The following GRM8 variants were observed in gnomAD, a reference collection of about 807,000 sequenced individuals.
GRM8 encodes metabotropic glutamate receptor 8.
In GRM8, 47 loss-of-function variants were observed where a neutral mutation model predicts 87.2. The ratio of observed to expected loss-of-function variants is 0.54; its 90% CI spans 0.43 to 0.69. The LOEUF (loss-of-function observed/expected upper bound fraction) is 0.69, where lower values mean the gene tolerates loss of function less well. Ranked by LOEUF, GRM8 falls within the 30% of genes least tolerant of loss-of-function variation. The pLI is 0.00. For synonymous variants in GRM8, 396 were observed against 404.5 expected (o/e 0.98, Z 0.25); for missense variants, 1,019 against 1,139.2 (o/e 0.89, Z 1.52).
intron 2 of GRM8, among the ~76,000 whole-genome samples, chr7:127,192,345 G>A (rs1032737999): frequency 2.0e-5 from 3 of 152,210 alleles, no homozygotes; most frequent in Non-Finnish European, 2.9e-5. Flanking sequence ...GTTTGTCATT[G>A]TTGTTTAAAA....
At chr7:126,442,258 C>A (rs1801554336) in intron 10 of GRM8, among the ~76,000 whole-genome samples, 1 of 151,976 alleles carries the variant, frequency 6.6e-6, no homozygotes, top group South Asian at 2.1e-4. Flanking sequence ...TCTACTTAAC[C>A]TTTCCAAAAG....
chr7:127,160,953 T>C (rs1793074506), intron 2 of GRM8, among the ~76,000 whole-genome samples: 1 of 152,110 alleles, frequency 6.6e-6, no homozygotes, highest in Non-Finnish European at 1.5e-5. Flanking sequence ...GGTCTTTTCT[T>C]AGTAGAAACA....
chr7:126,754,284 T>G (rs1037987141), intron 7 of GRM8, among the ~76,000 whole-genome samples: 3 of 151,994 alleles, frequency 2.0e-5, no homozygotes, highest in African/African-American at 7.2e-5. Flanking sequence ...ATCGCTAAAG[T>G]TTTAAAATAG....
intron 7 of GRM8, among the ~76,000 whole-genome samples, chr7:126,691,554 C>G (rs1808814771): frequency 6.6e-6 from 1 of 152,192 alleles, no homozygotes; most frequent in Non-Finnish European, 1.5e-5. Context: ...GCCACACCTC[C>G]CCTACTGCAG....
chr7:127,055,578 T>C (rs960074881), intron 3 of GRM8, among the ~76,000 whole-genome samples: 9 of 151,942 alleles, frequency 5.9e-5, no homozygotes, highest in Non-Finnish European at 1.2e-4. Flanking sequence ...AAAAGAAAGG[T>C]GATTGCAAAA....
At chr7:127,165,484 A>G (rs1450143031) in intron 2 of GRM8, among the ~76,000 whole-genome samples, 2 of 152,132 alleles carry the variant, frequency 1.3e-5, no homozygotes, top group Admixed American at 6.5e-5. Flanking sequence ...ACAAGTTCAC[A>G]TCGTAAACCT....
At chr7:126,459,099 A>G (rs1803587291) in intron 9 of GRM8, among the ~76,000 whole-genome samples, 1 of 151,426 alleles carries the variant, frequency 6.6e-6, no homozygotes, top group Admixed American at 6.6e-5. Flanking sequence ...GTACTCATAA[A>G]CCATATCATA....
At chr7:127,006,953 C>T (rs1814379909) in intron 3 of GRM8, among the ~76,000 whole-genome samples, 1 of 152,002 alleles carries the variant, frequency 6.6e-6, no homozygotes. Context: ...TCAATCCTTT[C>T]CTTCTTTCTT....
At chr7:126,529,839 T>C (rs938855912) in intron 9 of GRM8, among the ~76,000 whole-genome samples, 4 of 152,230 alleles carry the variant, frequency 2.6e-5, no homozygotes, top group African/African-American at 9.7e-5. Context: ...AGTACAATTA[T>C]GTGAGTTTGT....
intron 3 of GRM8, among the ~76,000 whole-genome samples, chr7:127,077,127 C>A (rs1457047614): frequency 6.6e-6 from 1 of 152,082 alleles, no homozygotes; most frequent in Admixed American, 6.5e-5. Flanking sequence ...AGTGTGTGTG[C>A]AGATGTGTCT....
intron 9 of GRM8, among the ~76,000 whole-genome samples, chr7:126,485,670 A>T (rs139334197): frequency 6.6e-6 from 1 of 152,042 alleles, no homozygotes; most frequent in Non-Finnish European, 1.5e-5. Flanking sequence ...AAAAATCTTC[A>T]GTGGTTGCCC....
intron 7 of GRM8, among the ~76,000 whole-genome samples, chr7:126,627,420 C>A (rs1247189347): frequency 6.6e-6 from 1 of 152,162 alleles, no homozygotes. Flanking sequence ...GTTGCAAATT[C>A]TTTTATTATA....
intron 8 of GRM8, among the ~76,000 whole-genome samples, chr7:126,574,806 T>A (rs1259935533): frequency 6.6e-6 from 1 of 152,170 alleles, no homozygotes; most frequent in African/African-American, 2.4e-5. Context: ...TTTTGCAGAC[T>A]GGCCCCAAGA....
At chr7:126,901,706 C>A in intron 6 of GRM8, among the ~76,000 whole-genome samples, 1 of 152,206 alleles carries the variant, frequency 6.6e-6, no homozygotes, top group Non-Finnish European at 1.5e-5. Context: ...TGAATCATTT[C>A]TAAAACACAC....
At position 127,220,176 on chromosome 7, in the gene GRM8, G is replaced by A. The variant is rs547223376; in HGVS notation, c.510+22519C>T. On this transcript the variant is annotated intron_variant, in intron 2 of 10. Transcript: ENST00000339582. Reference sequence around the variant, plus strand: ...CTCCACTAACTTCGAACAGCTCCAGGACTGACATCGCTAAGGTCTTCCCAA... The same window carrying A: ...CTCCACTAACTTCGAACAGCTCCAGAACTGACATCGCTAAGGTCTTCCCAA... 5.1e-4 allele frequency among the ~76,000 whole-genome samples: 78 copies of A among 152,278 alleles called. 1 individual carries two copies. Among genetic ancestry groups the A allele is most frequent in the African/African-American group, 1.7e-3 (72 of 41,554 alleles).
intron 7 of GRM8, among the ~76,000 whole-genome samples, chr7:126,671,336 C>T (rs570889201): frequency 1.3e-5 from 2 of 152,278 alleles, no homozygotes; most frequent in East Asian, 3.9e-4. Flanking sequence ...AAACAGAGTT[C>T]CATGAAAGCC....
intron 2 of GRM8, among the ~76,000 whole-genome samples, chr7:127,175,787 A>G (rs755393606): frequency 6.6e-6 from 1 of 152,206 alleles, no homozygotes; most frequent in African/African-American, 2.4e-5. Context: ...CATGCAAAAA[A>G]TAATAATAAC....
At chr7:126,579,143 T>C (rs1795378633) in intron 8 of GRM8, among the ~76,000 whole-genome samples, 1 of 152,166 alleles carries the variant, frequency 6.6e-6, no homozygotes, top group Non-Finnish European at 1.5e-5. Context: ...GAAAACAAAA[T>C]ATTAGAAGTT....
chr7:126,917,113 C>T (rs1002787993), intron 3 of GRM8, among the ~76,000 whole-genome samples: 2 of 152,152 alleles, frequency 1.3e-5, no homozygotes, highest in Non-Finnish European at 2.9e-5. Context: ...GTAGCTAGGA[C>T]TACAGGTGTG....
Sources: allele counts gnomAD v4.1 joint callset (sites outside exome capture counted in the v4.1 genomes callset), GRCh38; gene constraint gnomAD v4.1.1; transcripts MANE v1.5; gene names NCBI Gene and HGNC (gene_info 2026-07-23, HGNC 2026-07-21).